The following MFSD6 variants were observed in gnomAD, a reference collection of about 807,000 sequenced individuals.
MFSD6 encodes major facilitator superfamily domain containing 6.
Under a neutral mutation model 56.3 loss-of-function variants are expected in MFSD6, and 26 were observed. That is an observed-to-expected ratio of 0.46 (90% CI 0.34 to 0.64). The LOEUF (loss-of-function observed/expected upper bound fraction) is 0.64, where lower values mean the gene tolerates loss of function less well. MFSD6 is among the 30% of genes least tolerant of loss of function. The pLI is 0.01. For synonymous variants in MFSD6, 331 were observed against 366.9 expected, an observed-to-expected ratio of 0.90 and a Z score of 1.12; for missense variants, 750 against 986.2, an observed-to-expected ratio of 0.76 and a Z score of 3.21.
At chr2:190,411,936 T>C in intron 1 of MFSD6, 1 of 985,428 alleles carries the variant, frequency 1.0e-6, no homozygotes, top group Non-Finnish European at 1.2e-6. Context: ...ATGATTGTTC[T>C]GTACAGAACA....
chr2:190,412,186 T>A lies in MFSD6; in HGVS notation c.-175-3106T>A, dbSNP rs1399161291. On this transcript the variant is annotated intron_variant, in intron 1 of 7. Coordinates refer to ENST00000392328, the MANE Select transcript of MFSD6 (RefSeq NM_017694.4). The surrounding 1 kb of genome is among the most constrained non-coding windows in gnomAD (Gnocchi z 4.1). ...CTTAGAATCCTTAAAAATTAATACA[T>A]TTCCAGACTTAGAAATCCAGAGCCA... The A allele has an allele frequency of 1.0e-6, 1 of 984,748 alleles. No homozygotes were observed. Among genetic ancestry groups the A allele is most frequent in the Admixed American group, 6.1e-5 (1 of 16,266 alleles). 61.0% of individuals were successfully genotyped at this position (984,748 alleles called of 1,614,324 possible).
rs533025906 is a variant in MFSD6 at position 190,462,930 on chromosome 2, G to A, written c.1533-6828G>A. Among the ~76,000 whole-genome samples, 4 of 152,136 alleles carry A rather than the reference G, an allele frequency of 2.6e-5. No homozygotes were observed. The highest frequency in any genetic ancestry group is 4.4e-5 in the Non-Finnish European group (3 of 68,016). ...TACCACCATTCTAGCACTAGAGGAG[G>A]GTACCATGATGTAACTCAGGCCACC... On this transcript the variant is annotated intron_variant, in intron 3 of 7. Coordinates refer to ENST00000392328, the MANE Select transcript of MFSD6 (RefSeq NM_017694.4). The surrounding 1 kb of genome is among the most constrained non-coding windows in gnomAD (Gnocchi z 5.7).
intron 4 of MFSD6, among the ~76,000 whole-genome samples, chr2:190,483,677 G>A (rs1374124416): frequency 6.6e-6 from 1 of 151,786 alleles, no homozygotes; most frequent in African/African-American, 2.4e-5. Context: ...TCTACTAAGG[G>A]TACGAAAATT....
chr2:190,421,389 G>A (rs148016691), intron 2 of MFSD6, among the ~76,000 whole-genome samples: 2,735 of 152,204 alleles, frequency 0.018, 43 homozygotes, highest in Non-Finnish European at 0.028. Flanking sequence ...CTTTAATGTC[G>A]TTTGTAAAGA....
rs1047286623 is a variant in MFSD6, at chr2:190,413,232, G to A, written c.-175-2060G>A. 6.6e-6 allele frequency among the ~76,000 whole-genome samples: 1 copy of A among 152,060 alleles called. No individual in the cohort carries two copies. The highest frequency in any genetic ancestry group is 6.5e-5 in the Admixed American group (1 of 15,274). On this transcript the variant is annotated intron_variant, in intron 1 of 7. Transcript: ENST00000392328. This position sits in a 1 kb window ranked among gnomAD's most constrained non-coding sequence, Gnocchi z 4.1. ...TTATGTTGAAGAGATGTGAGTGAGAGTTCTGTATTACCTTGTGACCTGGTG... is the reference window on the plus strand; with the variant it reads ...TTATGTTGAAGAGATGTGAGTGAGAATTCTGTATTACCTTGTGACCTGGTG...
chr2:190,420,048 CTA>C (rs1354679844), intron 2 of MFSD6, among the ~76,000 whole-genome samples: 1 of 118,268 alleles, frequency 8.5e-6, no homozygotes, highest in East Asian at 3.0e-4. Context: ...CTTCTTAACT[CTA>C]TATTTTCAAG....
chr2:190,456,764 C>T lies in MFSD6; in HGVS notation c.1533-12994C>T, dbSNP rs115737945. Among the ~76,000 whole-genome samples the T allele has an allele frequency of 1.7e-3, 266 of 152,326 alleles. 2 individuals are homozygous for T. In the Middle Eastern group the frequency reaches 0.027, roughly 16 times the overall value. On this transcript the variant is annotated intron_variant, in intron 3 of 7. Transcript: ENST00000392328. This position sits in a 1 kb window ranked among gnomAD's most constrained non-coding sequence, Gnocchi z 5.4. ...GAGGTGGAAACCTTGGCTCACCCCT[C>T]GTCCTGCCTCAGCATCGATACCTGC... is the stretch of plus-strand genomic sequence containing the variant.
At chr2:190,420,810 T>C (rs1013171928) in intron 2 of MFSD6, among the ~76,000 whole-genome samples, 3 of 152,194 alleles carry the variant, frequency 2.0e-5, no homozygotes, top group African/African-American at 7.2e-5. Flanking sequence ...AATCTAAATA[T>C]GACCTGAAAA....
At chr2:190,419,028 A>G (rs1181701112) in intron 2 of MFSD6, among the ~76,000 whole-genome samples, 1 of 152,242 alleles carries the variant, frequency 6.6e-6, no homozygotes, top group African/African-American at 2.4e-5. Context: ...CAAAATAGTC[A>G]TTCATCTTTG....
Position 190,416,281 on chromosome 2 carries a change from C to A in MFSD6, c.-54+868C>A, listed in dbSNP as rs1046646715. 1.2e-4 allele frequency among the ~76,000 whole-genome samples: 18 copies of A among 152,090 alleles called. No homozygotes were observed. The highest frequency in any genetic ancestry group is 2.5e-4 in the Non-Finnish European group (17 of 68,016). On this transcript the variant is annotated intron_variant, in intron 2 of 7. Coordinates refer to ENST00000392328, the MANE Select transcript of MFSD6 (RefSeq NM_017694.4). The surrounding 1 kb of genome is among the most constrained non-coding windows in gnomAD (Gnocchi z 4.1). ...CATCTTTATGGTTATAAGCTATTTC[C>A]TCCAACCCTTAAGAGATCAAAATAA... is the stretch of plus-strand genomic sequence containing the variant.
rs1224740799 is a variant in MFSD6 at position 190,487,227 on chromosome 2, G to C, written c.1631-1430G>C. Among the ~76,000 whole-genome samples, 4 of 152,150 alleles carry C rather than the reference G, an allele frequency of 2.6e-5. No homozygotes were observed. The highest frequency in any genetic ancestry group is 9.7e-5 in the African/African-American group (4 of 41,432). On this transcript the variant is annotated intron_variant, in intron 4 of 7. Transcript: ENST00000392328. This position sits in a 1 kb window ranked among gnomAD's most constrained non-coding sequence, Gnocchi z 5.5. ...GTGGTGGCGGGCACTTGTAGTCCCA[G>C]CTACTTGGGAGGCTGAAGCAGGAGG...
Position 190,410,789 on chromosome 2 carries a change from G to T in MFSD6, c.-176+2286G>T, listed in dbSNP as rs1690525926. On this transcript the variant is annotated intron_variant, in intron 1 of 7. Transcript: ENST00000392328. The surrounding 1 kb of genome is among the most constrained non-coding windows in gnomAD (Gnocchi z 4.4). ...AATGAAAAAAATGGCTGGGCAAGGT[G>T]GCTCATGCCTGTAATCCCAGCACTT... 6.6e-6 allele frequency among the ~76,000 whole-genome samples: 1 copy of T among 152,176 alleles called. No individual in the cohort carries two copies. Among genetic ancestry groups the T allele is most frequent in the South Asian group, 2.1e-4 (1 of 4,834 alleles).
Position 190,413,813 on chromosome 2 carries a change from A to G in MFSD6, c.-175-1479A>G, listed in dbSNP as rs1266642495. Among the ~76,000 whole-genome samples the G allele has an allele frequency of 6.6e-6, 1 of 152,168 alleles. No homozygotes were observed. Among genetic ancestry groups the G allele is most frequent in the Admixed American group, 6.5e-5 (1 of 15,278 alleles). On this transcript the variant is annotated intron_variant, in intron 1 of 7. Coordinates refer to ENST00000392328, the MANE Select transcript of MFSD6 (RefSeq NM_017694.4). This position sits in a 1 kb window ranked among gnomAD's most constrained non-coding sequence, Gnocchi z 4.1. ...CTGAGCTCCAATAAACCAATGTACC[A>G]TGAGCCCTGCTATACTGTGGGGTGA...
chr2:190,420,779 GT>G (rs1685581249), intron 2 of MFSD6, among the ~76,000 whole-genome samples: 1 of 151,930 alleles, frequency 6.6e-6, no homozygotes, highest in Non-Finnish European at 1.5e-5. Context: ...ATTTCTCCAT[GT>G]TTTGGTTCCT....
In MFSD6 at chr2:190,412,323, A is replaced by T. The variant is rs991912775; in HGVS notation, c.-175-2969A>T. The T allele has an allele frequency of 3.7e-5, 36 of 983,860 alleles. No individual in the cohort carries two copies. Among genetic ancestry groups the T allele is most frequent in the Non-Finnish European group, 4.3e-5 (36 of 828,616 alleles). The allele number at this position is 983,860 out of a possible 1,614,324, so 60.9% of individuals were successfully genotyped here. ...AGGGAATTGTAAAAGTATTTTACAG[A>T]AGAGATATTCTCACAATTTTAGGTA... On this transcript the variant is annotated intron_variant, in intron 1 of 7. Transcript: ENST00000392328. The surrounding 1 kb of genome is among the most constrained non-coding windows in gnomAD (Gnocchi z 4.1).
chr2:190,436,816 A>C lies in MFSD6; in HGVS notation c.787A>C (p.Ile263Leu). 1 of 1,614,214 alleles carries C rather than the reference A, an allele frequency of 6.2e-7. No homozygotes were observed. Among genetic ancestry groups the C allele is most frequent in the South Asian group, 1.1e-5 (1 of 91,088 alleles). ...CGTAACCAAGGAGACAACCACTGTT[A>C]TTGTTACCACCACCAAATCTTTACC... Reference protein sequence around the residue: ...GSVTKETTTVIVTTTKSLPSD... With the variant: ...GSVTKETTTVLVTTTKSLPSD... Residue 263 changes from isoleucine to leucine, a missense_variant, in exon 3 of 8, where the codon ATT becomes CTT. Transcript: ENST00000392328. The surrounding 1 kb of genome is among the most constrained non-coding windows in gnomAD (Gnocchi z 5.3).
chr2:190,412,387 G>A lies in MFSD6; in HGVS notation c.-175-2905G>A. ...CATTTTGGGTTCTAATTATGTTTTA[G>A]GCAGAAGGAAATCTCCATCTTTTAA... On this transcript the variant is annotated intron_variant, in intron 1 of 7. Transcript: ENST00000392328. This position sits in a 1 kb window ranked among gnomAD's most constrained non-coding sequence, Gnocchi z 4.1. 2.0e-6 allele frequency: 2 copies of A among 984,670 alleles called. No individual in the cohort carries two copies. The highest frequency in any genetic ancestry group is 2.4e-6 in the Non-Finnish European group (2 of 829,322). 61.0% of individuals were successfully genotyped at this position (984,670 alleles called of 1,614,324 possible).
Position 190,498,507 on chromosome 2 carries a change from T to C in MFSD6, c.2172+788T>C, listed in dbSNP as rs964137937. On this transcript the variant is annotated intron_variant, in intron 7 of 7. Transcript: ENST00000392328. The surrounding 1 kb of genome is among the most constrained non-coding windows in gnomAD (Gnocchi z 5.9). ...GAAAATTTGTTGAACTGTTAATTAA[T>C]CTCACTTTGTAAGCTAACATAAAAT... 6.6e-6 allele frequency among the ~76,000 whole-genome samples: 1 copy of C among 152,204 alleles called. No individual in the cohort carries two copies. Among genetic ancestry groups the C allele is most frequent in the African/African-American group, 2.4e-5 (1 of 41,444 alleles).
intron 4 of MFSD6, among the ~76,000 whole-genome samples, chr2:190,476,458 C>T (rs1209967973): frequency 6.6e-6 from 1 of 152,164 alleles, no homozygotes; most frequent in Admixed American, 6.5e-5. Flanking sequence ...AAAAAATGCT[C>T]ATCATCACTG....
Sources: allele counts gnomAD v4.1 joint callset (sites outside exome capture counted in the v4.1 genomes callset), GRCh38; gene constraint gnomAD v4.1.1; non-coding constraint Gnocchi (gnomAD v3.1); transcripts MANE v1.5; gene names NCBI Gene and HGNC (gene_info 2026-07-23, HGNC 2026-07-21).